NUSAP1: variants seen among roughly 807,000 people sequenced by gnomAD.
The protein encoded by NUSAP1 is nucleolar and spindle associated protein 1.
NUSAP1 carries 32 observed loss-of-function variants against 52.8 expected under a neutral mutation model. The observed-to-expected ratio is 0.61, with a 90% CI of 0.46 to 0.81. NUSAP1 has a LOEUF of 0.81. Ranked by LOEUF, NUSAP1 falls within the 40% of genes least tolerant of loss-of-function variation. The probability of loss-of-function intolerance (pLI) is 0.00; values close to 1 mark genes in which losing one functional copy is unlikely to be tolerated. For synonymous variants in NUSAP1, 195 were observed against 183.1 expected, an observed-to-expected ratio of 1.06 and a Z score of -0.52; for missense variants, 499 against 522.3, an observed-to-expected ratio of 0.96 and a Z score of 0.43.
At chr15:41,347,081 A>T (rs1324512671) in intron 2 of NUSAP1, among the ~76,000 whole-genome samples, 1 of 152,098 alleles carries the variant, frequency 6.6e-6, no homozygotes, top group Non-Finnish European at 1.5e-5. Context: ...CTGAGGCAGG[A>T]GAATTGCTTG....
At position 41,344,946 on chromosome 15, in the gene NUSAP1, A is replaced by C. The variant is rs1301914977; in HGVS notation, c.162+2492A>C. ...ACAGAATGAGACTCCGTCTCCGAAAAAAAGAAAAAAAAACCACCGCACTTA... is the reference window on the plus strand; with the variant it reads ...ACAGAATGAGACTCCGTCTCCGAAACAAAGAAAAAAAAACCACCGCACTTA... On this transcript the variant is annotated intron_variant, in intron 2 of 10. Coordinates refer to ENST00000559596, the MANE Select transcript of NUSAP1 (RefSeq NM_016359.5). Among the ~76,000 whole-genome samples the C allele has an allele frequency of 3.3e-5, 5 of 151,884 alleles. 1 individual carries two copies. Among genetic ancestry groups the C allele is most frequent in the Admixed American group, 2.0e-4 (3 of 15,258 alleles).
chr15:41,354,233 G>A (rs909910598), intron 4 of NUSAP1, among the ~76,000 whole-genome samples: 5 of 152,136 alleles, frequency 3.3e-5, no homozygotes, highest in South Asian at 2.1e-4. Context: ...CAGGCCAGGC[G>A]CAGTGGCTTA....
chr15:41,355,663 T>C (rs894565304), intron 4 of NUSAP1, among the ~76,000 whole-genome samples: 2 of 149,954 alleles, frequency 1.3e-5, no homozygotes, highest in African/African-American at 2.4e-5. Flanking sequence ...CACGTTTTTT[T>C]TTTTGTTTTT....
At chr15:41,367,265 G>A (rs1315225679) in intron 7 of NUSAP1, among the ~76,000 whole-genome samples, 2 of 152,160 alleles carry the variant, frequency 1.3e-5, no homozygotes, top group African/African-American at 4.8e-5. Flanking sequence ...CCTAGCCACA[G>A]GCACATAGCC....
intron 2 of NUSAP1, chr15:41,344,227 A>G (rs1198740236): frequency 2.0e-5 from 3 of 151,968 alleles, no homozygotes; most frequent in Non-Finnish European, 4.4e-5. Flanking sequence ...AAAAAAAAAA[A>G]AAAAAGAAAC....
chr15:41,343,394 A>T (rs1463713027), intron 2 of NUSAP1: 1 of 152,234 alleles, frequency 6.6e-6, no homozygotes, highest in Admixed American at 6.6e-5. Context: ...TCTTGCTGTC[A>T]TCCAGGCTGG....
chr15:41,350,972 C>T lies in NUSAP1; in HGVS notation c.307-16C>T, dbSNP rs1346117200. On this transcript the variant is annotated splice_polypyrimidine_tract_variant and intron_variant, in intron 3 of 10. Transcript: ENST00000559596. ...ATTTATCATCGAAATCTTTTATTTCCTTTTTAAATTTGTAGCAGAATCATT... is the reference window on the plus strand; with the variant it reads ...ATTTATCATCGAAATCTTTTATTTCTTTTTTAAATTTGTAGCAGAATCATT... 1.3e-6 allele frequency: 2 copies of T among 1,586,886 alleles called. No individual in the cohort carries two copies. The highest frequency in any genetic ancestry group is 1.7e-6 in the Non-Finnish European group (2 of 1,166,076).
intron 2 of NUSAP1, among the ~76,000 whole-genome samples, chr15:41,343,617 G>A (rs185532099): frequency 2.0e-5 from 3 of 152,060 alleles, no homozygotes; most frequent in African/African-American, 7.2e-5. Context: ...GCCTCCCAAA[G>A]TGCTGGGATT....
chr15:41,339,771 A>G (rs1327223700), intron 1 of NUSAP1, among the ~76,000 whole-genome samples: 6 of 150,506 alleles, frequency 4.0e-5, no homozygotes, highest in African/African-American at 1.2e-4. Context: ...GAAGAAATTA[A>G]TTTTTTTTCT....
At chr15:41,349,282 C>A in intron 3 of NUSAP1, 41 bp downstream of exon 3, 2 of 1,572,946 alleles carry the variant, frequency 1.3e-6, no homozygotes, top group South Asian at 1.1e-5. Context: ...CCACCTATGC[C>A]AAAATTGGCA....
At position 41,376,116 on chromosome 15, in the gene NUSAP1, C is replaced by T. The variant is rs182462971; in HGVS notation, c.1123+288C>T. ...CTTAAGAATAAACAAATTCTGCGGC[C>T]GGGCGCAGTGGCTCTGGCCTGTAAT... On this transcript the variant is annotated intron_variant, in intron 9 of 10. Transcript: ENST00000559596. 1.8e-3 allele frequency among the ~76,000 whole-genome samples: 275 copies of T among 151,976 alleles called. 2 individuals are homozygous for T. Among genetic ancestry groups the T allele is most frequent in the African/African-American group, 6.4e-3 (264 of 41,446 alleles).
rs149807991 is a variant in NUSAP1 at position 41,342,763 on chromosome 15, C to T, written c.162+309C>T. Reference sequence around the variant, plus strand: ...TGAGACAGGGAGAATTGCTTGAACCCGGGAGGTGGAGGTTGCAGTGAGCCA... The same window carrying T: ...TGAGACAGGGAGAATTGCTTGAACCTGGGAGGTGGAGGTTGCAGTGAGCCA... On this transcript the variant is annotated intron_variant, in intron 2 of 10. Coordinates refer to ENST00000559596, the MANE Select transcript of NUSAP1 (RefSeq NM_016359.5). 2.3e-4 allele frequency among the ~76,000 whole-genome samples: 35 copies of T among 152,104 alleles called. 1 individual carries two copies. In the East Asian group the frequency reaches 5.2e-3, roughly 23 times the overall value.
chr15:41,334,626 A>G (rs1185934925), intron 1 of NUSAP1, among the ~76,000 whole-genome samples: 2 of 152,088 alleles, frequency 1.3e-5, no homozygotes, highest in Non-Finnish European at 2.9e-5. Flanking sequence ...AACACTTGGC[A>G]CTTTTATCTA....
At chr15:41,335,462 A>G (rs1280744095) in intron 1 of NUSAP1, among the ~76,000 whole-genome samples, 2 of 139,054 alleles carry the variant, frequency 1.4e-5, no homozygotes, top group Non-Finnish European at 3.0e-5. Flanking sequence ...AATATACTAA[A>G]TTTACATATT....
chr15:41,380,415 C>T lies in NUSAP1; in HGVS notation c.*229C>T. 3.0e-6 allele frequency: 1 copy of T among 334,314 alleles called. No individual in the cohort carries two copies. Among genetic ancestry groups the T allele is most frequent in the African/African-American group, 2.2e-5 (1 of 46,362 alleles). 20.7% of individuals were successfully genotyped at this position (334,314 alleles called of 1,614,324 possible). A position where few individuals can be genotyped will look rare whatever the true frequency, so the allele number is the denominator to read the frequency against. On this transcript the variant is annotated 3_prime_UTR_variant, in exon 11 of 11. Transcript: ENST00000559596. ...TTTTTACTTAAGTCCATTAACAATT[C>T]AGGTTTCTAACGAGACCCATCCTAA...
intron 10 of NUSAP1, 123 bp downstream of exon 10, chr15:41,377,427 CGGTG>C: frequency 1.9e-6 from 1 of 517,674 alleles, no homozygotes; most frequent in Non-Finnish European, 3.4e-6. Context: ...TGGCCGTGTG[CGGTG>C]GCTCACGCCT....
At chr15:41,377,884 C>G (rs2050026774) in intron 10 of NUSAP1, among the ~76,000 whole-genome samples, 1 of 151,356 alleles carries the variant, frequency 6.6e-6, no homozygotes, top group Non-Finnish European at 1.5e-5. Flanking sequence ...GCCTGTAGTC[C>G]CAGCTACTCG....
At chr15:41,368,642 A>G (rs1018492384) in intron 7 of NUSAP1, among the ~76,000 whole-genome samples, 9 of 151,626 alleles carry the variant, frequency 5.9e-5, no homozygotes, top group Non-Finnish European at 1.2e-4. Flanking sequence ...TTTTAAAGAC[A>G]TTTGCAGTAT....
intron 9 of NUSAP1, among the ~76,000 whole-genome samples, chr15:41,376,426 G>A (rs564787873): frequency 1.3e-5 from 2 of 151,240 alleles, no homozygotes; most frequent in South Asian, 2.1e-4. Context: ...GGTGGCTCAC[G>A]CCTGTAATCC....
Sources: gnomAD v4.1 joint callset for allele counts (sites outside exome capture counted in the v4.1 genomes callset) on GRCh38, gnomAD v4.1.1 for gene constraint, MANE v1.5 for transcripts, NCBI Gene and HGNC (gene_info 2026-07-23, HGNC 2026-07-21) for gene names.